The following SCTR variants were observed in gnomAD, a reference collection of about 807,000 sequenced individuals.
SCTR encodes secretin receptor, also known as pancreatic secretin receptor.
Under a neutral mutation model 60.8 loss-of-function variants are expected in SCTR, and 56 were observed. The observed-to-expected ratio is 0.92, with a 90% CI of 0.74 to 1.15. The LOEUF is 1.15. Among genes scored for constraint, SCTR ranks in the 50% most tolerant of loss-of-function variants. The pLI is 0.00. For synonymous variants in SCTR, 202 were observed against 217.0 expected (o/e 0.93, Z 0.61); for missense variants, 562 against 550.4 (o/e 1.02, Z -0.21).
At chr2:119,485,022 C>T (rs554064114) in intron 2 of SCTR, among the ~76,000 whole-genome samples, 3 of 152,268 alleles carry the variant, frequency 2.0e-5, no homozygotes, top group South Asian at 4.1e-4. Flanking sequence ...GCCCATGCCT[C>T]CCGGCAAAGC....
chr2:119,510,249 G>T (rs766095752), intron 1 of SCTR, among the ~76,000 whole-genome samples: 1 of 147,474 alleles, frequency 6.8e-6, no homozygotes, highest in Non-Finnish European at 1.5e-5. Context: ...CATTTGTTTT[G>T]CCCTTGATCC....
chr2:119,440,679 G>A (rs748401843), intron 12 of SCTR, among the ~76,000 whole-genome samples: 3 of 152,124 alleles, frequency 2.0e-5, no homozygotes, highest in African/African-American at 7.2e-5. Flanking sequence ...AGGAGGGTGT[G>A]GTCTGAAGGT....
intron 2 of SCTR, among the ~76,000 whole-genome samples, chr2:119,492,298 T>C (rs1448501700): frequency 6.6e-6 from 1 of 152,352 alleles, no homozygotes; most frequent in East Asian, 1.9e-4. Context: ...AACCAGTGTA[T>C]CAGGCTCCTG....
At chr2:119,488,440 C>T (rs1439889748) in intron 2 of SCTR, among the ~76,000 whole-genome samples, 1 of 152,244 alleles carries the variant, frequency 6.6e-6, no homozygotes, top group African/African-American at 2.4e-5. Flanking sequence ...GGCAGGAATC[C>T]CCAGTGAGCT....
intron 3 of SCTR, among the ~76,000 whole-genome samples, chr2:119,474,212 C>T (rs1351679571): frequency 6.6e-6 from 1 of 152,218 alleles, no homozygotes; most frequent in East Asian, 1.9e-4. Flanking sequence ...GCAGTGGCTT[C>T]CCCGCCTCCC....
intron 11 of SCTR, among the ~76,000 whole-genome samples, chr2:119,442,299 G>A (rs937111319): frequency 3.3e-5 from 5 of 152,204 alleles, no homozygotes; most frequent in African/African-American, 9.7e-5. Flanking sequence ...AGGCTGGGGC[G>A]CCTGCTTGGA....
intron 11 of SCTR, 49 bp from the exon 12 acceptor site, chr2:119,441,648 G>A (rs1219114355): frequency 1.7e-5 from 26 of 1,564,922 alleles, no homozygotes; most frequent in Admixed American, 3.4e-5. Context: ...CTCAGCATGC[G>A]GCCTGAACCA....
chr2:119,517,097 T>C (rs1363714878), intron 1 of SCTR, among the ~76,000 whole-genome samples: 1 of 152,112 alleles, frequency 6.6e-6, no homozygotes, highest in Non-Finnish European at 1.5e-5. Flanking sequence ...GAAACATATG[T>C]TAATTTGCTT....
intron 2 of SCTR, among the ~76,000 whole-genome samples, chr2:119,482,639 G>A (rs116740213): frequency 0.023 from 3,505 of 152,248 alleles, 121 homozygotes; most frequent in African/African-American, 0.076. Context: ...GGACGGCTCC[G>A]CCACTATCCC....
intron 1 of SCTR, among the ~76,000 whole-genome samples, chr2:119,517,693 C>T (rs147522465): frequency 5.2e-4 from 79 of 152,164 alleles, no homozygotes; most frequent in African/African-American, 1.9e-3. Flanking sequence ...GGGAAGTTAA[C>T]CAGCTGATGA....
At chr2:119,516,668 T>C (rs1241278448) in intron 1 of SCTR, among the ~76,000 whole-genome samples, 1 of 152,106 alleles carries the variant, frequency 6.6e-6, no homozygotes, top group Non-Finnish European at 1.5e-5. Flanking sequence ...TAGTTAATAA[T>C]ACTGTATCGG....
intron 7 of SCTR, among the ~76,000 whole-genome samples, chr2:119,457,716 A>G (rs1026896079): frequency 1.3e-5 from 2 of 152,198 alleles, no homozygotes; most frequent in African/African-American, 2.4e-5. Flanking sequence ...CCTGTCTCAG[A>G]AAAGAAAAAA....
At chr2:119,451,790 G>A (rs550396173) in intron 9 of SCTR, among the ~76,000 whole-genome samples, 19 of 152,266 alleles carry the variant, frequency 1.2e-4, no homozygotes, top group South Asian at 1.2e-3. Context: ...AACCAGGTTC[G>A]CAGGCTCTTG....
chr2:119,447,527 A>C (rs1682978919), intron 10 of SCTR, among the ~76,000 whole-genome samples: 1 of 152,164 alleles, frequency 6.6e-6, no homozygotes, highest in Non-Finnish European at 1.5e-5. Flanking sequence ...ACGAAACACC[A>C]TGGAGAAGGT....
chr2:119,512,026 C>A (rs918732489), intron 1 of SCTR, among the ~76,000 whole-genome samples: 4 of 151,672 alleles, frequency 2.6e-5, no homozygotes, highest in Admixed American at 6.6e-5. Context: ...TAAGATTTTT[C>A]TTTGTTCTTA....
At chr2:119,449,665 A>G (rs991936339) in intron 9 of SCTR, among the ~76,000 whole-genome samples, 1 of 152,108 alleles carries the variant, frequency 6.6e-6, no homozygotes, top group Non-Finnish European at 1.5e-5. Context: ...GCCATTTTAT[A>G]GAAGCAGGGA....
chr2:119,508,707 T>C (rs1248079612), intron 1 of SCTR, among the ~76,000 whole-genome samples: 1 of 152,136 alleles, frequency 6.6e-6, no homozygotes, highest in Non-Finnish European at 1.5e-5. Context: ...TTTTTTTCAT[T>C]GATAAATAAA....
chr2:119,477,321 G>A (rs72833298), intron 3 of SCTR, among the ~76,000 whole-genome samples: 1 of 152,122 alleles, frequency 6.6e-6, no homozygotes, highest in Non-Finnish European at 1.5e-5. Context: ...TTTCCTCTCC[G>A]CCAGTCAGCC....
In SCTR at chr2:119,524,349, A is replaced by G. The variant is rs1679386323; in HGVS notation, c.-123T>C. ...GCCGGCCGCTGCGCCCCGAGGAGCC[A>G]TGGCTGAGCCACCCGACCTGCGGCG... is the stretch of plus-strand genomic sequence containing the variant. On this transcript the variant is annotated 5_prime_UTR_variant, in exon 1 of 13. It removes an upstream start codon present in the reference 5' UTR. Transcript: ENST00000019103. 2 of 587,582 alleles carry G rather than the reference A, an allele frequency of 3.4e-6. No homozygotes were observed. Among genetic ancestry groups the G allele is most frequent in the Non-Finnish European group, 5.2e-6 (2 of 385,912 alleles). 36.4% of individuals were successfully genotyped at this position (587,582 alleles called of 1,614,324 possible). A position where few individuals can be genotyped will look rare whatever the true frequency, so the allele number is the denominator to read the frequency against.
Sources: allele counts gnomAD v4.1 joint callset (sites outside exome capture counted in the v4.1 genomes callset), GRCh38; gene constraint gnomAD v4.1.1; transcripts MANE v1.5; gene names NCBI Gene and HGNC (gene_info 2026-07-23, HGNC 2026-07-21).